PREX1: variants seen among roughly 807,000 people sequenced by gnomAD.
PREX1 encodes phosphatidylinositol-3,4,5-trisphosphate dependent Rac exchange factor 1, also known as phosphatidylinositol 3,4,5-trisphosphate-dependent Rac exchanger 1 protein.
Under a neutral mutation model 198.3 loss-of-function variants are expected in PREX1, and 41 were observed. The ratio of observed to expected loss-of-function variants is 0.21; its 90% CI spans 0.16 to 0.27. The LOEUF is 0.27. Among genes scored for constraint, PREX1 ranks in the 10% least tolerant of loss-of-function variants. The pLI, the probability that PREX1 is intolerant of heterozygous loss-of-function variation, is 1.00. For synonymous variants in PREX1, 843 were observed against 887.2 expected, an observed-to-expected ratio of 0.95 and a Z score of 0.89; for missense variants, 1,620 against 2,200.7, an observed-to-expected ratio of 0.74 and a Z score of 5.28.
intron 6 of PREX1, among the ~76,000 whole-genome samples, chr20:48,701,628 G>A (rs1489477753): frequency 6.6e-6 from 1 of 152,114 alleles, no homozygotes; most frequent in African/African-American, 2.4e-5. Context: ...TAAGGACAGG[G>A]CCCGAATCAA....
At chr20:48,668,146 C>CGT (rs35147704) in intron 14 of PREX1, among the ~76,000 whole-genome samples, 9,837 of 151,382 alleles carry the variant, frequency 0.065, 370 homozygotes, top group South Asian at 0.13. Flanking sequence ...GTGTGTGACA[C>CGT]GTGTGTGTGT....
At chr20:48,723,799 A>T (rs973979381) in intron 5 of PREX1, among the ~76,000 whole-genome samples, 2 of 152,168 alleles carry the variant, frequency 1.3e-5, no homozygotes, top group Non-Finnish European at 2.9e-5. Flanking sequence ...GGAGATGGGA[A>T]CAGGCCTCAG....
rs532471774 is a variant in PREX1 at position 48,646,028 on chromosome 20, G to A, written c.3335C>T (p.Ser1112Leu). ...RLLSTITEPT[S>L]GGSCDASLAE... Reference sequence around the variant, plus strand: ...CAAGGATGCGTCGCAGGACCCACCCGAGGTGGGCTCTGTGATGGTGGACAG... The same window carrying A: ...CAAGGATGCGTCGCAGGACCCACCCAAGGTGGGCTCTGTGATGGTGGACAG... Residue 1112 changes from serine to leucine, a missense_variant, in exon 26 of 40, where the codon TCG (serine) becomes TTG (leucine). Ser to Leu is a moderately radical substitution (Grantham distance 145). Around this residue, in one of 7 missense-constraint regions of PREX1, gnomAD observed 514 missense variants for 611.6 expected, o/e 0.84. Transcript: ENST00000371941. The A allele has an allele frequency of 1.7e-5, 28 of 1,613,992 alleles. No homozygotes were observed. The highest frequency in any genetic ancestry group is 8.3e-5 in the Admixed American group (5 of 60,028).
chr20:48,740,070 G>A (rs911926956), intron 3 of PREX1, among the ~76,000 whole-genome samples: 3 of 152,176 alleles, frequency 2.0e-5, no homozygotes, highest in East Asian at 1.9e-4. Context: ...TGACACTAGC[G>A]GGCTGGACTG....
rs1437874258 is a variant in PREX1 at position 48,734,561 on chromosome 20, C to G, written c.504G>C (p.Val168=). ...GTCAACTTACCAAAAGGAAGGCGCGCACGGTAGGGATCTTGTTCAGCTCCA... is the reference window on the plus strand; with the variant it reads ...GTCAACTTACCAAAAGGAAGGCGCGGACGGTAGGGATCTTGTTCAGCTCCA... ...LLVELNKIPT[V]RAFLLSCMLL... Residue 168 remains valine (V), a synonymous_variant, in exon 4 of 40, where the codon GTG becomes GTC. Transcript: ENST00000371941. The G allele has an allele frequency of 6.2e-7, 1 of 1,614,020 alleles. No homozygotes were observed. Among genetic ancestry groups the G allele is most frequent in the Admixed American group, 1.7e-5 (1 of 60,022 alleles).
At chr20:48,805,160 G>C (rs1384782152) in intron 1 of PREX1, among the ~76,000 whole-genome samples, 2 of 152,242 alleles carry the variant, frequency 1.3e-5, no homozygotes, top group Non-Finnish European at 2.9e-5. Flanking sequence ...CCGGGGAGAA[G>C]AAACGGTGAT....
chr20:48,740,324 G>A (rs767388863), intron 3 of PREX1, among the ~76,000 whole-genome samples: 3 of 152,244 alleles, frequency 2.0e-5, no homozygotes, highest in Non-Finnish European at 4.4e-5. Flanking sequence ...TACCCCAGGT[G>A]CTGGGAGTGC....
At chr20:48,703,632 G>T (rs1294649062) in intron 6 of PREX1, among the ~76,000 whole-genome samples, 2 of 152,040 alleles carry the variant, frequency 1.3e-5, no homozygotes, top group Non-Finnish European at 2.9e-5. Context: ...AGGGGAAGTT[G>T]AAGAAGAATC....
At chr20:48,712,551 A>G (rs1207684976) in intron 5 of PREX1, among the ~76,000 whole-genome samples, 2 of 152,004 alleles carry the variant, frequency 1.3e-5, no homozygotes, top group African/African-American at 4.8e-5. Context: ...GGCTGCCAAC[A>G]CCCAGTAGTT....
In PREX1 at chr20:48,689,202, A is replaced by G. The variant is rs564720659; in HGVS notation, c.1187-398T>C. 2.6e-5 allele frequency among the ~76,000 whole-genome samples: 4 copies of G among 152,290 alleles called. No individual in the cohort carries two copies. In the East Asian group the frequency reaches 7.7e-4, roughly 29 times the overall value. On this transcript the variant is annotated intron_variant, in intron 9 of 39. Transcript: ENST00000371941. ...CTTGTCAGTATCTCCATTCCAGCCC[A>G]GTGATAAAAGTCTGGTCGTTCTTCC...
At chr20:48,644,233 A>G (rs952837304) in intron 27 of PREX1, among the ~76,000 whole-genome samples, 176 bp downstream of exon 27, 6 of 152,226 alleles carry the variant, frequency 3.9e-5, no homozygotes, top group African/African-American at 1.2e-4. Context: ...CCAGCACATA[A>G]TATGGGCTCA....
At chr20:48,883,101 T>G in the PREX1 span, among the ~76,000 whole-genome samples, 3 of 152,016 alleles carry the variant, frequency 2.0e-5, no homozygotes, top group South Asian at 6.2e-4. Context: ...CCCAGCTACT[T>G]TTTGTATTTT....
chr20:48,805,937 G>A (rs6019432), intron 1 of PREX1, among the ~76,000 whole-genome samples: 2,016 of 152,308 alleles, frequency 0.013, 38 homozygotes, highest in African/African-American at 0.046. Context: ...CCAAAGCAGC[G>A]AACATGTGCT....
At chr20:48,855,882 T>C in the PREX1 span, among the ~76,000 whole-genome samples, 6 of 152,142 alleles carry the variant, frequency 3.9e-5, no homozygotes, top group South Asian at 2.1e-4. Flanking sequence ...GCCTGGGCGA[T>C]AGAGCGAGAG....
intron 1 of PREX1, among the ~76,000 whole-genome samples, chr20:48,808,037 C>CA (rs2123034022): frequency 6.6e-6 from 1 of 152,250 alleles, no homozygotes; most frequent in East Asian, 1.9e-4. Flanking sequence ...CCAGGAGTAA[C>CA]AAAGATGGCT....
chr20:48,819,570 C>G (rs926231985), intron 1 of PREX1, among the ~76,000 whole-genome samples: 3 of 152,206 alleles, frequency 2.0e-5, no homozygotes, highest in Non-Finnish European at 2.9e-5. Flanking sequence ...TCAGCCTCTC[C>G]CGGCTTTAGT....
chr20:48,646,592 C>T (rs1052040077), intron 25 of PREX1, among the ~76,000 whole-genome samples: 16 of 148,364 alleles, frequency 1.1e-4, no homozygotes, highest in African/African-American at 2.7e-4. Context: ...TCGGGAGGCT[C>T]GTATGAGAAT....
chr20:48,642,589 A>C, intron 27 of PREX1, 100 bp from the exon 28 acceptor site: 2 of 1,063,324 alleles, frequency 1.9e-6, no homozygotes, highest in Non-Finnish European at 1.4e-6. Context: ...AGAACTCCAA[A>C]CCCACAAGGG....
intron 4 of PREX1, among the ~76,000 whole-genome samples, chr20:48,730,855 G>A (rs1354512376): frequency 6.6e-6 from 1 of 151,966 alleles, no homozygotes; most frequent in Non-Finnish European, 1.5e-5. Flanking sequence ...AAAATTAGCT[G>A]GGCATGGTGG....
Sources: gnomAD v4.1 joint callset for allele counts (sites outside exome capture counted in the v4.1 genomes callset) on GRCh38, gnomAD v4.1.1 for gene constraint, gnomAD v4.1.1 regional missense constraint, MANE v1.5 for transcripts, NCBI Gene and HGNC (gene_info 2026-07-23, HGNC 2026-07-21) for gene names.